The following SLC6A16 variants were observed in gnomAD, a reference collection of about 807,000 sequenced individuals.
SLC6A16 encodes the protein solute carrier family 6 member 16.
In SLC6A16, 54 loss-of-function variants were observed where a neutral mutation model predicts 65.4. That is an observed-to-expected ratio of 0.83 (90% CI 0.66 to 1.04). The LOEUF is 1.04. SLC6A16 is among the 50% of genes least tolerant of loss of function. The pLI, the probability that SLC6A16 is intolerant of heterozygous loss-of-function variation, is 0.00. For synonymous variants in SLC6A16, 330 were observed against 346.5 expected (o/e 0.95, Z 0.53); for missense variants, 816 against 914.0 (o/e 0.89, Z 1.38).
chr19:49,317,234 G>T (rs762682109), intron 1 of SLC6A16, among the ~76,000 whole-genome samples: 5 of 151,962 alleles, frequency 3.3e-5, no homozygotes, highest in Non-Finnish European at 7.4e-5. Context: ...CCAGCTACTC[G>T]GAAGGCTGAG....
chr19:49,296,089 G>C (rs537522511), intron 7 of SLC6A16, among the ~76,000 whole-genome samples: 1 of 151,990 alleles, frequency 6.6e-6, no homozygotes, highest in Non-Finnish European at 1.5e-5. Flanking sequence ...TCCCAGGTTC[G>C]AGCGATTCTC....
chr19:49,302,761 GA>G (rs1272340031), intron 7 of SLC6A16, among the ~76,000 whole-genome samples: 1 of 152,048 alleles, frequency 6.6e-6, no homozygotes, highest in East Asian at 1.9e-4. Flanking sequence ...ATAGAACAAC[GA>G]AAGAAGAGGC....
chr19:49,339,948 G>A, the SLC6A16 span: 20 of 1,394,670 alleles, frequency 1.4e-5, no homozygotes, highest in African/African-American at 1.5e-4. This position sits in a 1 kb window ranked among gnomAD's most constrained non-coding sequence, Gnocchi z 4.5. Flanking sequence ...AATTAGAGGA[G>A]GCACAATTAG....
chr19:49,340,245 C>CTAT, the SLC6A16 span: 10 of 1,612,178 alleles, frequency 6.2e-6, no homozygotes, highest in Non-Finnish European at 7.6e-6. Flanking sequence ...TCTCCTTTCT[C>CTAT]TATAGCTCGG....
chr19:49,308,310 G>A (rs866079706), intron 7 of SLC6A16, among the ~76,000 whole-genome samples: 4 of 152,022 alleles, frequency 2.6e-5, no homozygotes, highest in South Asian at 4.2e-4. Flanking sequence ...AAAATTAGCC[G>A]GGCCTGGTGA....
the SLC6A16 span, chr19:49,338,900 C>T: frequency 6.2e-7 from 1 of 1,614,070 alleles, no homozygotes; most frequent in South Asian, 1.1e-5. This position sits in a 1 kb window ranked among gnomAD's most constrained non-coding sequence, Gnocchi z 5.0. Flanking sequence ...GTGCAGACAT[C>T]TGCGCTGTCC....
At chr19:49,321,458 A>C (rs1702282880) in intron 1 of SLC6A16, among the ~76,000 whole-genome samples, 1 of 151,964 alleles carries the variant, frequency 6.6e-6, no homozygotes, top group Admixed American at 6.6e-5. Context: ...GCCTGGGGCC[A>C]GGTGCAGTGG....
chr19:49,294,497 T>C lies in SLC6A16; in HGVS notation c.1286A>G (p.Lys429Arg). The C allele has an allele frequency of 6.2e-7, 1 of 1,613,976 alleles. No homozygotes were observed. The highest frequency in any genetic ancestry group is 8.5e-7 in the Non-Finnish European group (1 of 1,179,968). ...INLGKLPPDA[K>R]PPVNLLYNPT... Reference sequence around the variant, plus strand: ...GTTGTAAAGCAGGTTGACAGGGGGCTTGGCATCAGGAGGCAGTTTCCCTAG... The same window carrying C: ...GTTGTAAAGCAGGTTGACAGGGGGCCTGGCATCAGGAGGCAGTTTCCCTAG... Residue 429 changes from lysine (K) to arginine (R), a missense_variant, in exon 8 of 12, where the codon AAG becomes AGG. Transcript: ENST00000335875.
At position 49,311,298 on chromosome 19, in the gene SLC6A16, C is replaced by T. The variant is rs1283255973; in HGVS notation, c.50G>A (p.Trp17Ter). ...ACTGTCAGAAATCACTGTGCCAGTC[C>T]ATGAGGTGTTTGCCAGCAAGGATGT... ...PSTSLLANTS[W>*]TGTVISDSVP... is the part of the protein sequence containing the mutation. Residue 17 changes from tryptophan to a stop codon, truncating the protein, a stop_gained, in exon 2 of 12, where the codon TGG becomes TAG. Coordinates refer to ENST00000335875, the MANE Select transcript of SLC6A16 (RefSeq NM_014037.3). LOFTEE classifies it high-confidence loss of function. The T allele has an allele frequency of 6.2e-7, 1 of 1,608,056 alleles. No homozygotes were observed. The highest frequency in any genetic ancestry group is 1.7e-5 in the Admixed American group (1 of 58,800).
Position 49,310,983 on chromosome 19 carries a change from T to G in SLC6A16, c.365A>C (p.Lys122Thr). 8 of 1,614,198 alleles carry G rather than the reference T, an allele frequency of 5.0e-6. No individual in the cohort carries two copies. Among genetic ancestry groups the G allele is most frequent in the Non-Finnish European group, 6.8e-6 (8 of 1,180,030 alleles). Residue 122 changes from lysine to threonine, a missense_variant, in exon 2 of 12, where the codon AAG (lysine) becomes ACG (threonine). Physicochemically the swap from Lys to Thr is moderately conservative, Grantham distance 78. Transcript: ENST00000335875. ...YILAQVGFSMKPSCLWRFAYL... is the reference protein window; with the variant it reads ...YILAQVGFSMTPSCLWRFAYL... ...GGCAAAGCGCCAGAGACAAGATGGC[T>G]TCATAGAGAAGCCCACCTGAGCCAG...
At chr19:49,293,447 A>C in intron 9 of SLC6A16, 65 bp from the exon 10 acceptor site, 1 of 1,527,114 alleles carries the variant, frequency 6.5e-7, no homozygotes, top group Admixed American at 1.7e-5. Context: ...GGCTAAGTAG[A>C]GGCCATAGAC....
At chr19:49,318,868 A>ATT (rs71180618) in intron 1 of SLC6A16, among the ~76,000 whole-genome samples, 67,557 of 104,392 alleles carry the variant, frequency 0.65, 22,588 homozygotes, top group South Asian at 0.78. Context: ...ACAACTGGCT[A>ATT]TTTTTTTTTT....
the SLC6A16 span, chr19:49,338,209 C>G: frequency 7.0e-7 from 1 of 1,434,082 alleles, no homozygotes; most frequent in East Asian, 2.5e-5. The surrounding 1 kb of genome is among the most constrained non-coding windows in gnomAD (Gnocchi z 5.0). Context: ...GTCGCCTGGT[C>G]TCCCAGTACC....
chr19:49,298,860 G>A (rs768266601), intron 7 of SLC6A16, among the ~76,000 whole-genome samples: 2 of 152,174 alleles, frequency 1.3e-5, no homozygotes, highest in Non-Finnish European at 2.9e-5. Context: ...ATATACTGTG[G>A]AATACTATAC....
the SLC6A16 span, among the ~76,000 whole-genome samples, chr19:49,331,382 A>G: frequency 6.6e-6 from 1 of 152,066 alleles, no homozygotes; most frequent in African/African-American, 2.4e-5. Context: ...GGGTCTCACT[A>G]TGTTGCCCAG....
chr19:49,320,434 A>T (rs952952762), intron 1 of SLC6A16, among the ~76,000 whole-genome samples: 2 of 151,858 alleles, frequency 1.3e-5, no homozygotes, highest in Non-Finnish European at 2.9e-5. Context: ...CAAACAAAAA[A>T]AAACCAGATC....
At chr19:49,318,167 C>T (rs973055360) in intron 1 of SLC6A16, among the ~76,000 whole-genome samples, 4 of 152,082 alleles carry the variant, frequency 2.6e-5, no homozygotes, top group Non-Finnish European at 5.9e-5. Context: ...CTCATAAGAA[C>T]AGGCAAAGAA....
rs1970050406 is a variant in SLC6A16 at position 49,290,316 on chromosome 19, G to A, written c.2018C>T (p.Pro673Leu). Residue 673 changes from proline (P) to leucine (L), a missense_variant, in exon 12 of 12, where the codon CCC (proline) becomes CTC (leucine). Pro to Leu is a moderately conservative substitution (Grantham distance 98). Transcript: ENST00000335875. ...GCAGTATACAAAGTATGCAGGGATG[G>A]GGAGGATGACAATGGCAAAAAGGGT... The part of the protein sequence containing the change: ...MITLFAIVIL[P>L]IPAYFVYCRI... 1 of 1,613,974 alleles carries A rather than the reference G, an allele frequency of 6.2e-7. No homozygotes were observed. Among genetic ancestry groups the A allele is most frequent in the Non-Finnish European group, 8.5e-7 (1 of 1,180,026 alleles).
chr19:49,307,375 C>G (rs965376203), intron 7 of SLC6A16, among the ~76,000 whole-genome samples: 1 of 151,648 alleles, frequency 6.6e-6, no homozygotes, highest in African/African-American at 2.4e-5. Flanking sequence ...ATGCATTACG[C>G]CACTTTGAAA....
Sources: allele counts gnomAD v4.1 joint callset (sites outside exome capture counted in the v4.1 genomes callset), GRCh38; gene constraint gnomAD v4.1.1; non-coding constraint Gnocchi (gnomAD v3.1); transcripts MANE v1.5; gene names NCBI Gene and HGNC (gene_info 2026-07-23, HGNC 2026-07-21).